MOB3B: variants seen among roughly 807,000 people sequenced by gnomAD.
MOB3B encodes MOB kinase activator 3B.
Under a neutral mutation model 18.7 loss-of-function variants are expected in MOB3B, and 7 were observed. The ratio of observed to expected loss-of-function variants is 0.37; its 90% confidence interval spans 0.21 to 0.70. MOB3B has a LOEUF of 0.70. Among genes scored for constraint, MOB3B ranks in the 30% least tolerant of loss-of-function variants. The pLI is 0.52. For missense variants in MOB3B, 253 were observed against 281.3 expected (o/e 0.90, Z 0.72); for synonymous variants, 111 against 99.9 (o/e 1.11, Z -0.66).
chr9:27,368,635 C>A (rs1006302695), intron 2 of MOB3B, among the ~76,000 whole-genome samples: 10 of 152,212 alleles, frequency 6.6e-5, no homozygotes, highest in African/African-American at 2.4e-4. Flanking sequence ...CTGGCTACTA[C>A]TCTGTTTTCC....
chr9:27,519,675 G>A (rs1820294399), intron 1 of MOB3B, among the ~76,000 whole-genome samples: 7 of 152,172 alleles, frequency 4.6e-5, no homozygotes, highest in Admixed American at 4.6e-4. Flanking sequence ...ACATGAGGCT[G>A]AGCTGTTAAG....
At chr9:27,393,747 A>C (rs986686470) in intron 2 of MOB3B, among the ~76,000 whole-genome samples, 2 of 152,172 alleles carry the variant, frequency 1.3e-5, no homozygotes, top group African/African-American at 4.8e-5. Context: ...CACTTTCCAG[A>C]TGAAGAAACC....
chr9:27,409,407 T>C (rs1307295198), intron 2 of MOB3B, among the ~76,000 whole-genome samples: 1 of 152,192 alleles, frequency 6.6e-6, no homozygotes, highest in Non-Finnish European at 1.5e-5. Flanking sequence ...ATTAGAATGG[T>C]TACTATCAAG....
chr9:27,507,648 CAGA>C (rs1450458191), intron 1 of MOB3B, among the ~76,000 whole-genome samples: 2 of 152,196 alleles, frequency 1.3e-5, no homozygotes, highest in Admixed American at 6.5e-5. Flanking sequence ...TTAACAGCTA[CAGA>C]AGGAGAGAGT....
intron 1 of MOB3B, chr9:27,524,704 AGTACCTGAAC>A: frequency 3.1e-6 from 5 of 1,614,086 alleles, no homozygotes; most frequent in Non-Finnish European, 4.2e-6. Context: ...CAGCAAGCAG[AGTACCTGAAC>A]CAATGCTTGG....
chr9:27,346,576 T>C (rs955661471), intron 3 of MOB3B, among the ~76,000 whole-genome samples: 1 of 152,252 alleles, frequency 6.6e-6, no homozygotes, highest in Non-Finnish European at 1.5e-5. Context: ...TTATATCCTC[T>C]GAAGCTGAAC....
chr9:27,347,823 A>G (rs1821051266), intron 3 of MOB3B, among the ~76,000 whole-genome samples: 1 of 152,252 alleles, frequency 6.6e-6, no homozygotes, highest in African/African-American at 2.4e-5. Flanking sequence ...TATTCATTAT[A>G]GTAACATGCT....
At chr9:27,384,789 GC>G (rs1278964081) in intron 2 of MOB3B, among the ~76,000 whole-genome samples, 3 of 152,184 alleles carry the variant, frequency 2.0e-5, no homozygotes, top group Non-Finnish European at 2.9e-5. Context: ...CAGCTGTTCT[GC>G]CAGTGAGTAG....
At chr9:27,514,230 TATA>T (rs1820194136) in intron 1 of MOB3B, among the ~76,000 whole-genome samples, 1 of 151,292 alleles carries the variant, frequency 6.6e-6, no homozygotes, top group African/African-American at 2.4e-5. Context: ...TTTAATTAGC[TATA>T]ATATTTGGAG....
chr9:27,405,980 G>C (rs1262951369), intron 2 of MOB3B, among the ~76,000 whole-genome samples: 2 of 151,980 alleles, frequency 1.3e-5, no homozygotes, highest in African/African-American at 4.8e-5. Flanking sequence ...TATCGAACTA[G>C]GAAAAACTAA....
intron 2 of MOB3B, among the ~76,000 whole-genome samples, chr9:27,384,717 G>C (rs1320175278): frequency 6.6e-6 from 1 of 152,202 alleles, no homozygotes; most frequent in African/African-American, 2.4e-5. Context: ...TGGCATGGCT[G>C]GGTGTCAGAC....
chr9:27,519,971 G>T (rs547720305), intron 1 of MOB3B, among the ~76,000 whole-genome samples: 2 of 152,006 alleles, frequency 1.3e-5, no homozygotes, highest in Non-Finnish European at 2.9e-5. Flanking sequence ...GGGAAGTACC[G>T]CTAGGCCTGG....
At chr9:27,520,993 T>C (rs543661479) in intron 1 of MOB3B, among the ~76,000 whole-genome samples, 1 of 152,280 alleles carries the variant, frequency 6.6e-6, no homozygotes, top group Non-Finnish European at 1.5e-5. Flanking sequence ...CAGATGTGTA[T>C]GCCAACCATC....
At chr9:27,347,192 G>A (rs570904969) in intron 3 of MOB3B, among the ~76,000 whole-genome samples, 1 of 152,190 alleles carries the variant, frequency 6.6e-6, no homozygotes, top group South Asian at 2.1e-4. Flanking sequence ...TGCCATTCAC[G>A]AGAGAGATGT....
chr9:27,382,797 T>C (rs1821597485), intron 2 of MOB3B, among the ~76,000 whole-genome samples: 1 of 151,988 alleles, frequency 6.6e-6, no homozygotes, highest in African/African-American at 2.4e-5. Flanking sequence ...TGCAGTTCCC[T>C]GAGGGGTATG....
chr9:27,426,318 G>A (rs1822329258), intron 2 of MOB3B, among the ~76,000 whole-genome samples: 1 of 152,194 alleles, frequency 6.6e-6, no homozygotes, highest in South Asian at 2.1e-4. Context: ...GGAAGGAAAG[G>A]GGTTATACGT....
At chr9:27,509,096 T>C (rs1247392193) in intron 1 of MOB3B, among the ~76,000 whole-genome samples, 1 of 152,202 alleles carries the variant, frequency 6.6e-6, no homozygotes, top group Admixed American at 6.5e-5. Flanking sequence ...ACCGTCTAAG[T>C]CTACAGAAAA....
intron 2 of MOB3B, among the ~76,000 whole-genome samples, chr9:27,434,779 C>G (rs1270461476): frequency 6.6e-6 from 1 of 152,132 alleles, no homozygotes; most frequent in African/African-American, 2.4e-5. Flanking sequence ...CTCCAATCAA[C>G]CCAACTCTTT....
In MOB3B at chr9:27,326,148, T is replaced by G. The variant is rs890316876; in HGVS notation, c.*4439A>C. The stretch of plus-strand genomic sequence containing the variant: ...GTCTGGACTTAGCAAAGAAACAATA[T>G]AGTTTGGAGAAGGCATGAAATAAGT... On this transcript the variant is annotated 3_prime_UTR_variant, in exon 4 of 4. Transcript: ENST00000262244. 25 of 248,964 alleles carry G rather than the reference T, an allele frequency of 1.0e-4. No homozygotes were observed. Among genetic ancestry groups the G allele is most frequent in the African/African-American group, 4.8e-4 (22 of 45,396 alleles). 15.4% of individuals were successfully genotyped at this position (248,964 alleles called of 1,614,324 possible).
Sources: gnomAD v4.1 joint callset for allele counts (sites outside exome capture counted in the v4.1 genomes callset) on GRCh38, gnomAD v4.1.1 for gene constraint, MANE v1.5 for transcripts, NCBI Gene and HGNC (gene_info 2026-07-23, HGNC 2026-07-21) for gene names.